Variants in RAPGEF4 observed in about 807,000 individuals in gnomAD.
RAPGEF4 encodes the protein Rap guanine nucleotide exchange factor 4, also known as RAP guanine-nucleotide-exchange factor (GEF) 4.
A neutral mutation model predicts 147.9 loss-of-function variants in RAPGEF4; 66 were observed. The observed-to-expected ratio is 0.45, with a 90% CI of 0.37 to 0.55. The LOEUF is 0.55. RAPGEF4 is among the 20% of genes least tolerant of loss of function. The pLI is 0.00. For missense variants in RAPGEF4, 1,071 were observed against 1,257.3 expected, an observed-to-expected ratio of 0.85 and a Z score of 2.24; for synonymous variants, 419 against 442.7, an observed-to-expected ratio of 0.95 and a Z score of 0.67.
chr2:172,766,985 G>T (rs1287129704), intron 1 of RAPGEF4, among the ~76,000 whole-genome samples: 1 of 152,080 alleles, frequency 6.6e-6, no homozygotes, highest in African/African-American at 2.4e-5. Flanking sequence ...CTCACTTCTA[G>T]TCAAGTTGGC....
chr2:172,815,803 C>T (rs1407470955), intron 4 of RAPGEF4, among the ~76,000 whole-genome samples: 1 of 152,048 alleles, frequency 6.6e-6, no homozygotes, highest in African/African-American at 2.4e-5. Context: ...TAATTAGGAG[C>T]CCTTAGTGCT....
chr2:173,016,425 T>C lies in RAPGEF4; in HGVS notation c.1886T>C (p.Ile629Thr), dbSNP rs771108739. 6 of 1,610,426 alleles carry C rather than the reference T, an allele frequency of 3.7e-6. No homozygotes were observed. The African/African-American group carries it at 4.0e-5, about 11-fold the overall frequency. Reference protein sequence around the residue: ...LKEQLPELEKIVKQISEDAKA... With the variant: ...LKEQLPELEKTVKQISEDAKA... ...GAGCAACTGCCAGAGTTGGAGAAGA[T>C]TGTCAAGCAAATGTAAGGAAGGGCT... is the stretch of plus-strand genomic sequence containing the variant. Residue 629 changes from isoleucine to threonine, a missense_variant, in exon 19 of 31, where the codon ATT becomes ACT. Physicochemically the swap from Ile to Thr is moderately conservative, Grantham distance 89 (BLOSUM62 -1). Coordinates refer to ENST00000397081, the MANE Select transcript of RAPGEF4 (RefSeq NM_007023.4).
chr2:172,796,036 A>G (rs1382962654), intron 2 of RAPGEF4, among the ~76,000 whole-genome samples: 1 of 152,236 alleles, frequency 6.6e-6, no homozygotes, highest in Non-Finnish European at 1.5e-5. Context: ...CCAGAAATGC[A>G]TCACATGCCT....
intron 10 of RAPGEF4, among the ~76,000 whole-genome samples, chr2:172,983,220 G>A (rs1461316562): frequency 6.6e-6 from 1 of 152,140 alleles, no homozygotes. Flanking sequence ...GAGATGAGTT[G>A]GCCAACTACC....
chr2:172,767,911 C>T (rs959269697), intron 1 of RAPGEF4, among the ~76,000 whole-genome samples: 4 of 152,150 alleles, frequency 2.6e-5, no homozygotes, highest in African/African-American at 7.2e-5. Flanking sequence ...GGCACAATCT[C>T]GGCTGACTGC....
intron 1 of RAPGEF4, among the ~76,000 whole-genome samples, chr2:172,752,324 C>T (rs1237104524): frequency 6.6e-6 from 1 of 152,202 alleles, no homozygotes; most frequent in Non-Finnish European, 1.5e-5. Flanking sequence ...AACAATTTCT[C>T]ATTTGAAGGA....
At chr2:172,950,519 A>G (rs1411941769) in intron 6 of RAPGEF4, among the ~76,000 whole-genome samples, 4 of 152,172 alleles carry the variant, frequency 2.6e-5, no homozygotes, top group Non-Finnish European at 4.4e-5. Context: ...AGGGTAATGT[A>G]AGGATTATGT....
At chr2:172,978,159 G>A (rs982725442) in intron 10 of RAPGEF4, among the ~76,000 whole-genome samples, 3 of 152,094 alleles carry the variant, frequency 2.0e-5, no homozygotes, top group Non-Finnish European at 4.4e-5. Context: ...AGGTAAAGCA[G>A]GCTGCCCACG....
intron 29 of RAPGEF4, among the ~76,000 whole-genome samples, chr2:173,047,664 T>C (rs1023600564): frequency 4.6e-5 from 7 of 150,858 alleles, no homozygotes; most frequent in African/African-American, 1.7e-4. Context: ...ACATTTTCTG[T>C]ATTTTCTGAA....
chr2:172,945,907 C>T (rs16861058), intron 6 of RAPGEF4, among the ~76,000 whole-genome samples: 3,384 of 152,266 alleles, frequency 0.022, 112 homozygotes, highest in African/African-American at 0.076. Context: ...TCAATGCAAG[C>T]TTCACAATTT....
In RAPGEF4 at chr2:172,985,415, C is replaced by A. The variant is rs1365893529; in HGVS notation, c.1090-18C>A. ...CTGGAAATGTGGCCTTTGCATGTTTCTTCTGTTTTTCTTCTAGGTGAAACG... is the reference window on the plus strand; with the variant it reads ...CTGGAAATGTGGCCTTTGCATGTTTATTCTGTTTTTCTTCTAGGTGAAACG... On this transcript the variant is annotated intron_variant, in intron 11 of 30. Coordinates refer to ENST00000397081, the MANE Select transcript of RAPGEF4 (RefSeq NM_007023.4). The A allele has an allele frequency of 1.2e-6, 2 of 1,613,648 alleles. No individual in the cohort carries two copies. Among genetic ancestry groups the A allele is most frequent in the Non-Finnish European group, 1.7e-6 (2 of 1,179,916 alleles).
chr2:172,787,349 G>GTCA (rs35928628), intron 1 of RAPGEF4, among the ~76,000 whole-genome samples: 12,006 of 152,092 alleles, frequency 0.079, 565 homozygotes, highest in East Asian at 0.23. Flanking sequence ...ATAATTTTAT[G>GTCA]TCAGAAATAT....
At chr2:172,804,731 G>A (rs561430992) in intron 3 of RAPGEF4, among the ~76,000 whole-genome samples, 1 of 152,316 alleles carries the variant, frequency 6.6e-6, no homozygotes, top group East Asian at 1.9e-4. Flanking sequence ...GTGGAGAGGG[G>A]TGATGGGGAT....
intron 17 of RAPGEF4, among the ~76,000 whole-genome samples, chr2:173,008,070 C>CA (rs1019309215): frequency 2.0e-4 from 3 of 15,002 alleles, no homozygotes; most frequent in African/African-American, 5.0e-4. Context: ...TCGGGTGTGG[C>CA]CCCCCCATGC....
intron 1 of RAPGEF4, among the ~76,000 whole-genome samples, chr2:172,736,695 T>C (rs1233754689): frequency 6.6e-6 from 1 of 152,216 alleles, no homozygotes; most frequent in African/African-American, 2.4e-5. Flanking sequence ...CGACGACAGC[T>C]CTCTCTAAGG....
At chr2:172,756,555 G>A (rs1695796040) in intron 1 of RAPGEF4, among the ~76,000 whole-genome samples, 2 of 152,114 alleles carry the variant, frequency 1.3e-5, no homozygotes, top group African/African-American at 4.8e-5. Context: ...AGACTCCTTG[G>A]ACAGGAGTCC....
chr2:172,953,221 A>G (rs1688390563), intron 6 of RAPGEF4, among the ~76,000 whole-genome samples: 1 of 148,258 alleles, frequency 6.7e-6, no homozygotes, highest in African/African-American at 2.4e-5. Flanking sequence ...ACATTTATAT[A>G]ATATACAATC....
At chr2:172,822,994 G>A (rs1347862452) in intron 4 of RAPGEF4, among the ~76,000 whole-genome samples, 3 of 152,166 alleles carry the variant, frequency 2.0e-5, no homozygotes, top group Non-Finnish European at 4.4e-5. Context: ...CTTTTCTGTG[G>A]TTTACAATCT....
intron 26 of RAPGEF4, 130 bp from the exon 27 acceptor site, chr2:173,033,784 G>T (rs1439527532): frequency 1.2e-6 from 1 of 811,290 alleles, no homozygotes; most frequent in Non-Finnish European, 2.0e-6. Flanking sequence ...ACAGATTACA[G>T]TCTGGCCTGT....
Sources: allele counts gnomAD v4.1 joint callset (sites outside exome capture counted in the v4.1 genomes callset), GRCh38; gene constraint gnomAD v4.1.1; transcripts MANE v1.5; gene names NCBI Gene and HGNC (gene_info 2026-07-23, HGNC 2026-07-21).